Variants in ST3GAL3 observed in about 807,000 individuals in gnomAD.
ST3GAL3 encodes CMP-N-acetylneuraminate-beta-1,4-galactoside alpha-2,3-sialyltransferase.
ST3GAL3 carries 21 observed loss-of-function variants against 50.1 expected under a neutral mutation model. The ratio of observed to expected loss-of-function variants is 0.42; its 90% confidence interval spans 0.30 to 0.60. The LOEUF (loss-of-function observed/expected upper bound fraction) is 0.60. Among genes scored for constraint, ST3GAL3 ranks in the 20% least tolerant of loss-of-function variants. The pLI is 0.19. For synonymous variants in ST3GAL3, 183 were observed against 190.0 expected (o/e 0.96, Z 0.30); for missense variants, 353 against 489.4 (o/e 0.72, Z 2.63).
intron 2 of ST3GAL3, among the ~76,000 whole-genome samples, chr1:43,783,656 A>G (rs1335631188): frequency 2.0e-5 from 3 of 152,168 alleles, no homozygotes; most frequent in Non-Finnish European, 4.4e-5. Context: ...CAGTTTCAGC[A>G]GCACATGCCT....
chr1:43,909,682 C>G (rs1326855873), intron 9 of ST3GAL3, among the ~76,000 whole-genome samples: 1 of 152,178 alleles, frequency 6.6e-6, no homozygotes, highest in African/African-American at 2.4e-5. Flanking sequence ...TAGAAGAAAT[C>G]AAATTTGATA....
chr1:43,736,705 G>A (rs1678627033), intron 2 of ST3GAL3: 6 of 418,698 alleles, frequency 1.4e-5, no homozygotes, highest in Non-Finnish European at 2.7e-5. Context: ...GTAGCATATT[G>A]CCACTCTATT....
At chr1:43,733,038 G>C (rs905992282) in intron 1 of ST3GAL3, among the ~76,000 whole-genome samples, 2 of 150,638 alleles carry the variant, frequency 1.3e-5, no homozygotes, top group African/African-American at 4.9e-5. Flanking sequence ...ATGTGCAGTA[G>C]CATGATCATA....
intron 9 of ST3GAL3, among the ~76,000 whole-genome samples, chr1:43,905,374 C>A (rs1323005309): frequency 8.3e-6 from 1 of 120,352 alleles, no homozygotes; most frequent in Non-Finnish European, 1.7e-5. Flanking sequence ...TGTTCCTCTT[C>A]CCACCACTCT....
At chr1:43,776,354 G>GGATA (rs1471139969) in intron 2 of ST3GAL3, among the ~76,000 whole-genome samples, 2 of 151,952 alleles carry the variant, frequency 1.3e-5, no homozygotes, top group African/African-American at 4.8e-5. Flanking sequence ...TTTGCACTTA[G>GGATA]GATAATGTTT....
intron 5 of ST3GAL3, among the ~76,000 whole-genome samples, chr1:43,868,106 G>GAA (rs1377684212): frequency 2.6e-5 from 4 of 152,102 alleles, no homozygotes; most frequent in African/African-American, 9.7e-5. Context: ...GCAAAAAACT[G>GAA]GAAACACCCT....
At chr1:43,748,181 G>A (rs1014736511) in intron 2 of ST3GAL3, among the ~76,000 whole-genome samples, 27 of 151,976 alleles carry the variant, frequency 1.8e-4, no homozygotes, top group Non-Finnish European at 2.2e-4. Flanking sequence ...ACTCAGTTGC[G>A]TTTCTATATA....
intron 5 of ST3GAL3, among the ~76,000 whole-genome samples, chr1:43,870,089 T>C (rs1467092065): frequency 1.3e-5 from 2 of 152,146 alleles, no homozygotes; most frequent in African/African-American, 4.8e-5. Flanking sequence ...GAGTCAGAAA[T>C]CAGAGGCTCA....
At chr1:43,796,277 T>G (rs1224855216) in intron 3 of ST3GAL3, among the ~76,000 whole-genome samples, 2 of 152,172 alleles carry the variant, frequency 1.3e-5, no homozygotes, top group Non-Finnish European at 2.9e-5. Context: ...ATGTGGTAAT[T>G]AAAGCCCCAG....
chr1:43,886,107 G>A (rs978956185), intron 5 of ST3GAL3, among the ~76,000 whole-genome samples: 1 of 152,244 alleles, frequency 6.6e-6, no homozygotes, highest in African/African-American at 2.4e-5. Context: ...TTGGCCGGGT[G>A]CAGTGGCTCA....
intron 4 of ST3GAL3, among the ~76,000 whole-genome samples, chr1:43,819,946 A>G (rs1170043630): frequency 6.6e-6 from 1 of 152,228 alleles, no homozygotes; most frequent in East Asian, 1.9e-4. Flanking sequence ...TTTTTCATAG[A>G]AGTAGAGAAA....
chr1:43,808,948 G>T (rs2060222163), intron 3 of ST3GAL3, among the ~76,000 whole-genome samples: 1 of 152,222 alleles, frequency 6.6e-6, no homozygotes, highest in South Asian at 2.1e-4. Context: ...GGCAAAATTA[G>T]TAATAGTGCA....
chr1:43,754,936 AC>A (rs1355128201), intron 2 of ST3GAL3, among the ~76,000 whole-genome samples: 29 of 152,138 alleles, frequency 1.9e-4, no homozygotes, highest in African/African-American at 5.3e-4. Context: ...AAAAAAAAAA[AC>A]ATAATAAAAG....
intron 9 of ST3GAL3, among the ~76,000 whole-genome samples, chr1:43,908,920 C>T (rs2080293514): frequency 6.6e-6 from 1 of 152,248 alleles, no homozygotes; most frequent in Non-Finnish European, 1.5e-5. Flanking sequence ...GTGTGAGCCA[C>T]TGCGCCCGGC....
At chr1:43,898,557 G>T in intron 7 of ST3GAL3, 1 of 552,598 alleles carries the variant, frequency 1.8e-6, no homozygotes, top group South Asian at 1.9e-5. Context: ...GAACACACTG[G>T]GGCTGGGACT....
At chr1:43,894,601 A>C in intron 6 of ST3GAL3, 124 bp downstream of exon 6, 1 of 868,720 alleles carries the variant, frequency 1.2e-6, no homozygotes, top group Non-Finnish European at 1.9e-6. Flanking sequence ...ACTCTCAACA[A>C]ATCTTCTCTA....
intron 2 of ST3GAL3, among the ~76,000 whole-genome samples, chr1:43,751,110 A>G (rs778490325): frequency 7.9e-5 from 12 of 152,314 alleles, no homozygotes; most frequent in Non-Finnish European, 1.2e-4. Flanking sequence ...AAGGAAAATT[A>G]TAAGTGGTTA....
intron 2 of ST3GAL3, among the ~76,000 whole-genome samples, chr1:43,789,134 G>A (rs1237797656): frequency 6.6e-6 from 1 of 152,132 alleles, no homozygotes; most frequent in Non-Finnish European, 1.5e-5. Flanking sequence ...AGCCTCTGAA[G>A]GGTTTTATTA....
intron 1 of ST3GAL3, among the ~76,000 whole-genome samples, chr1:43,718,046 T>C (rs1247419135): frequency 6.6e-6 from 1 of 150,820 alleles, no homozygotes; most frequent in Non-Finnish European, 1.5e-5. Flanking sequence ...CTAATTTTTG[T>C]ATTTTTAGTA....
Sources: allele counts gnomAD v4.1 joint callset (sites outside exome capture counted in the v4.1 genomes callset), GRCh38; gene constraint gnomAD v4.1.1; transcripts MANE v1.5; gene names NCBI Gene and HGNC (gene_info 2026-07-23, HGNC 2026-07-21).